The following PACS1 variants were observed in gnomAD, a reference collection of about 807,000 sequenced individuals.
PACS1 encodes PACS-1.
PACS1 carries 24 observed loss-of-function variants against 115.0 expected under a neutral mutation model. That is an observed-to-expected ratio of 0.21 (90% confidence interval 0.15 to 0.29). The LOEUF (loss-of-function observed/expected upper bound fraction) is 0.29. Ranked by LOEUF, PACS1 falls within the 10% of genes least tolerant of loss-of-function variation. The pLI is 1.00. For missense variants in PACS1, 838 were observed against 1,251.2 expected (o/e 0.67, Z 4.98); for synonymous variants, 453 against 504.5 (o/e 0.90, Z 1.37).
intron 14 of PACS1, among the ~76,000 whole-genome samples, chr11:66,232,636 G>A (rs1855620574): frequency 6.6e-6 from 1 of 152,230 alleles, no homozygotes; most frequent in Non-Finnish European, 1.5e-5. Context: ...CCCCATGAAG[G>A]CAGGTCAGCA....
At chr11:66,082,535 T>C (rs1485246903) in intron 1 of PACS1, among the ~76,000 whole-genome samples, 3 of 152,176 alleles carry the variant, frequency 2.0e-5, no homozygotes, top group African/African-American at 7.2e-5. Flanking sequence ...CCTCATTTGT[T>C]ATGAAGATAG....
intron 1 of PACS1, among the ~76,000 whole-genome samples, chr11:66,082,583 C>T (rs1425324414): frequency 6.6e-6 from 1 of 152,098 alleles, no homozygotes. Flanking sequence ...CGCATCAGGC[C>T]GGGCGCTGTG....
At chr11:66,108,503 G>A (rs140650089) in intron 1 of PACS1, among the ~76,000 whole-genome samples, 4 of 152,080 alleles carry the variant, frequency 2.6e-5, no homozygotes, top group Admixed American at 1.3e-4. Flanking sequence ...TGGGAGGATC[G>A]CTTGAGCCCA....
intron 1 of PACS1, among the ~76,000 whole-genome samples, chr11:66,178,358 T>A (rs1293712110): frequency 3.3e-5 from 5 of 152,206 alleles, no homozygotes; most frequent in Admixed American, 2.6e-4. Context: ...CTGGATGTGT[T>A]CTATTTTCTT....
At chr11:66,136,920 C>T (rs1858857906) in intron 1 of PACS1, among the ~76,000 whole-genome samples, 1 of 152,042 alleles carries the variant, frequency 6.6e-6, no homozygotes, top group African/African-American at 2.4e-5. Context: ...GCTCTCCAGC[C>T]TCAGCATTGC....
intron 1 of PACS1, among the ~76,000 whole-genome samples, chr11:66,096,469 A>C (rs1444192114): frequency 2.0e-5 from 3 of 150,634 alleles, no homozygotes; most frequent in African/African-American, 7.3e-5. Context: ...GGTTCTTTAC[A>C]GCTTTTAGCT....
chr11:66,216,862 C>CTTATTTTTTTTTTTTTTTTTTTT (rs1590826365), intron 7 of PACS1, 87 bp downstream of exon 7: 10 of 849,794 alleles, frequency 1.2e-5, no homozygotes, highest in East Asian at 2.7e-5. Flanking sequence ...CTAGTGGAGA[C>CTTATTTTTTTTTTTTTTTTTTTT]TTCTTAAAAT....
intron 4 of PACS1, among the ~76,000 whole-genome samples, chr11:66,212,297 A>G (rs78481656): frequency 1.3e-5 from 2 of 148,414 alleles, no homozygotes; most frequent in African/African-American, 5.1e-5. Context: ...ATGCCCAGCT[A>G]ATTTTTTTTT....
chr11:66,098,878 A>T (rs1466726765), intron 1 of PACS1, among the ~76,000 whole-genome samples: 2 of 152,210 alleles, frequency 1.3e-5, no homozygotes, highest in African/African-American at 2.4e-5. Flanking sequence ...CACAAAAATG[A>T]TGCTGTAATA....
At chr11:66,178,665 A>C (rs1047301732) in intron 1 of PACS1, among the ~76,000 whole-genome samples, 3 of 152,154 alleles carry the variant, frequency 2.0e-5, no homozygotes, top group African/African-American at 7.2e-5. Flanking sequence ...TTTTTATGAA[A>C]AAACTGTTTT....
chr11:66,100,797 A>G (rs532369394), intron 1 of PACS1: 6 of 456,260 alleles, frequency 1.3e-5, no homozygotes, highest in African/African-American at 8.0e-5. Flanking sequence ...GATGCCAGCT[A>G]TTAGCTGGGA....
intron 1 of PACS1, among the ~76,000 whole-genome samples, chr11:66,173,091 G>GGT (rs201056842): frequency 0.032 from 4,607 of 142,452 alleles, 209 homozygotes; most frequent in East Asian, 0.17. Context: ...TTTGATTTTG[G>GGT]TTTTTTTTTT....
Position 66,238,863 on chromosome 11 carries a change from C to T in PACS1, c.2293+17C>T. The stretch of plus-strand genomic sequence containing the variant: ...CCACAGCAGGTGAGGCTGGGGCTCC[C>T]TTGTTCTGTGGAGTGAGGCTGGTGC... On this transcript the variant is annotated intron_variant, in intron 20 of 23. Transcript: ENST00000320580. The T allele has an allele frequency of 6.4e-7, 1 of 1,569,056 alleles. No individual in the cohort carries two copies. The highest frequency in any genetic ancestry group is 8.7e-7 in the Non-Finnish European group (1 of 1,155,124).
chr11:66,238,006 A>G (rs560393), intron 19 of PACS1: 232,999 of 958,168 alleles, frequency 0.24, 28,559 homozygotes, highest in African/African-American at 0.31. Flanking sequence ...CTCTTTGCCT[A>G]GGCCTGGGCC....
At chr11:66,142,336 T>G (rs941279983) in intron 1 of PACS1, among the ~76,000 whole-genome samples, 2 of 151,894 alleles carry the variant, frequency 1.3e-5, no homozygotes, top group African/African-American at 4.8e-5. Context: ...TTTTTTTGGG[T>G]GAGACAAGGT....
chr11:66,226,571 AC>A (rs1855473462), intron 10 of PACS1, among the ~76,000 whole-genome samples: 1 of 152,094 alleles, frequency 6.6e-6, no homozygotes, highest in Admixed American at 6.6e-5. Flanking sequence ...AGGTGGAGGA[AC>A]CCTGGTTTAG....
chr11:66,112,147 T>G (rs1262559978), intron 1 of PACS1, among the ~76,000 whole-genome samples: 1 of 152,242 alleles, frequency 6.6e-6, no homozygotes, highest in African/African-American at 2.4e-5. Context: ...GTGGTCTCTT[T>G]GAAATGCAGA....
intron 2 of PACS1, among the ~76,000 whole-genome samples, chr11:66,204,298 C>G (rs1854883270): frequency 6.6e-6 from 1 of 152,152 alleles, no homozygotes; most frequent in Non-Finnish European, 1.5e-5. Context: ...GGGTATGTAA[C>G]ATCATTAATT....
intron 1 of PACS1, among the ~76,000 whole-genome samples, chr11:66,185,653 G>C (rs919884172): frequency 6.6e-6 from 1 of 152,162 alleles, no homozygotes; most frequent in Non-Finnish European, 1.5e-5. Context: ...GTAGCAGAGA[G>C]GTAGCTAGAG....
Sources: gnomAD v4.1 joint callset for allele counts (sites outside exome capture counted in the v4.1 genomes callset) on GRCh38, gnomAD v4.1.1 for gene constraint, MANE v1.5 for transcripts, NCBI Gene and HGNC (gene_info 2026-07-23, HGNC 2026-07-21) for gene names.